The following RAPGEF2 variants were observed in gnomAD, a reference collection of about 807,000 sequenced individuals.
RAPGEF2 encodes Rap guanine nucleotide exchange factor 2.
Under a neutral mutation model 186.7 loss-of-function variants are expected in RAPGEF2, and 54 were observed. That is an observed-to-expected ratio of 0.29 (90% confidence interval 0.23 to 0.36). The LOEUF is 0.36. Among genes scored for constraint, RAPGEF2 ranks in the 10% least tolerant of loss-of-function variants. The pLI is 1.00. For missense variants in RAPGEF2, 1,532 were observed against 2,045.0 expected (o/e 0.75, Z 4.84); for synonymous variants, 712 against 705.9 (o/e 1.01, Z -0.14).
chr4:159,120,040 T>C (rs927499788), intron 1 of RAPGEF2, among the ~76,000 whole-genome samples: 1 of 152,224 alleles, frequency 6.6e-6, no homozygotes, highest in African/African-American at 2.4e-5. Flanking sequence ...GTTTGTTTTT[T>C]TGAGTCAGAG....
intron 7 of RAPGEF2, among the ~76,000 whole-genome samples, chr4:159,283,665 A>T (rs1359753942): frequency 6.6e-6 from 1 of 152,064 alleles, no homozygotes; most frequent in Non-Finnish European, 1.5e-5. Context: ...TTTATTCTTC[A>T]AGAAGAAAGC....
intron 1 of RAPGEF2, among the ~76,000 whole-genome samples, chr4:159,116,331 AAAG>A (rs1434373659): frequency 1.3e-5 from 2 of 152,258 alleles, no homozygotes; most frequent in Non-Finnish European, 2.9e-5. Context: ...ACATGGAAAA[AAAG>A]CTCAACATCA....
chr4:159,286,791 G>A lies in RAPGEF2; in HGVS notation c.544-17551G>A, dbSNP rs867488802. 3.3e-5 allele frequency among the ~76,000 whole-genome samples: 5 copies of A among 152,120 alleles called. No individual in the cohort carries two copies. In the East Asian group the frequency reaches 5.8e-4, roughly 18 times the overall value. Reference sequence around the variant, plus strand: ...ATCTCAGCTATAGGAGGTTTTCCTCGGGCATTTCTGTTACACCATATTATT... The same window carrying A: ...ATCTCAGCTATAGGAGGTTTTCCTCAGGCATTTCTGTTACACCATATTATT... On this transcript the variant is annotated intron_variant, in intron 7 of 29. Transcript: ENST00000691494.
chr4:159,316,077 A>G (rs368760950), intron 9 of RAPGEF2, among the ~76,000 whole-genome samples: 1 of 152,142 alleles, frequency 6.6e-6, no homozygotes, highest in East Asian at 1.9e-4. Flanking sequence ...CCGCCTGGCA[A>G]CGGGCATCTT....
intron 1 of RAPGEF2, among the ~76,000 whole-genome samples, chr4:159,129,136 TAATAAG>T (rs1489334006): frequency 6.6e-6 from 1 of 151,840 alleles, no homozygotes; most frequent in Non-Finnish European, 1.5e-5. Flanking sequence ...CATAGAAATG[TAATAAG>T]AATAAGAATC....
At chr4:159,161,433 C>T (rs556013417) in intron 1 of RAPGEF2, among the ~76,000 whole-genome samples, 1 of 152,196 alleles carries the variant, frequency 6.6e-6, no homozygotes, top group South Asian at 2.1e-4. Flanking sequence ...GGCTGGGCAC[C>T]GTGGTTTATG....
At chr4:159,290,754 CAA>C (rs571399743) in intron 7 of RAPGEF2, among the ~76,000 whole-genome samples, 5 of 127,120 alleles carry the variant, frequency 3.9e-5, no homozygotes, top group African/African-American at 8.5e-5. Context: ...CTAAGGTTTA[CAA>C]AAAAAAAAAA....
chr4:159,214,658 G>T (rs1253400297), intron 4 of RAPGEF2, among the ~76,000 whole-genome samples: 1 of 152,094 alleles, frequency 6.6e-6, no homozygotes, highest in African/African-American at 2.4e-5. Flanking sequence ...TTTTTTGCCT[G>T]CTGACTTCCA....
chr4:159,147,075 G>A (rs1205474767), intron 1 of RAPGEF2, among the ~76,000 whole-genome samples: 1 of 152,214 alleles, frequency 6.6e-6, no homozygotes, highest in Non-Finnish European at 1.5e-5. Context: ...TGGGATTACA[G>A]GCATGGGCCA....
chr4:159,253,975 A>T (rs1180899502), intron 7 of RAPGEF2, among the ~76,000 whole-genome samples: 1 of 152,244 alleles, frequency 6.6e-6, no homozygotes, highest in Non-Finnish European at 1.5e-5. Flanking sequence ...TGTGAAAAAA[A>T]GGTGCCAGTT....
At chr4:159,304,884 C>T (rs1300606000) in intron 8 of RAPGEF2, among the ~76,000 whole-genome samples, 1 of 152,144 alleles carries the variant, frequency 6.6e-6, no homozygotes, top group Admixed American at 6.6e-5. Context: ...ATTCCACACT[C>T]TGCATCCATG....
At chr4:159,201,985 C>T (rs944803119) in intron 3 of RAPGEF2, among the ~76,000 whole-genome samples, 14 of 152,070 alleles carry the variant, frequency 9.2e-5, no homozygotes, top group Non-Finnish European at 1.5e-4. Flanking sequence ...TGATACTGTG[C>T]GGTATTACAT....
intron 7 of RAPGEF2, among the ~76,000 whole-genome samples, chr4:159,287,036 TTAA>T (rs1357752156): frequency 6.6e-6 from 1 of 152,094 alleles, no homozygotes; most frequent in Non-Finnish European, 1.5e-5. Context: ...AAGAGGAAAA[TTAA>T]TAAGAAGTAC....
intron 7 of RAPGEF2, among the ~76,000 whole-genome samples, chr4:159,250,791 C>T (rs1303682008): frequency 2.0e-5 from 3 of 150,938 alleles, no homozygotes; most frequent in African/African-American, 4.8e-5. Context: ...CGCTTGCTCT[C>T]GGCGCCTCGG....
At chr4:159,322,782 C>T (rs1003710458) in intron 10 of RAPGEF2, among the ~76,000 whole-genome samples, 7 of 152,050 alleles carry the variant, frequency 4.6e-5, no homozygotes, top group Admixed American at 1.3e-4. Flanking sequence ...ATGGCAGTGG[C>T]AAGAGGAAAA....
intron 1 of RAPGEF2, among the ~76,000 whole-genome samples, chr4:159,124,746 T>C (rs1435732982): frequency 6.6e-6 from 1 of 152,228 alleles, no homozygotes; most frequent in Non-Finnish European, 1.5e-5. Context: ...CTAGGACTTG[T>C]AGTAACTCTA....
intron 1 of RAPGEF2, among the ~76,000 whole-genome samples, chr4:159,164,833 T>G (rs1177978846): frequency 6.6e-6 from 1 of 152,204 alleles, no homozygotes; most frequent in African/African-American, 2.4e-5. Flanking sequence ...ACTGCTAGGA[T>G]CATAAAAATT....
At chr4:159,243,061 G>A (rs74753829) in intron 6 of RAPGEF2, among the ~76,000 whole-genome samples, 3 of 150,806 alleles carry the variant, frequency 2.0e-5, no homozygotes, top group Non-Finnish European at 1.5e-5. Context: ...TTCCTTACAC[G>A]GCTCCCTTTT....
At position 159,210,677 on chromosome 4, in the gene RAPGEF2, C is replaced by T. The variant is rs187170820; in HGVS notation, c.281+94C>T. 523 of 916,840 alleles carry T rather than the reference C, an allele frequency of 5.7e-4. 2 individuals are homozygous for T. The African/African-American group carries it at 7.6e-3, about 13-fold the overall frequency. 56.8% of individuals were successfully genotyped at this position (916,840 alleles called of 1,614,324 possible). On this transcript the variant is annotated intron_variant, in intron 4 of 29. Transcript: ENST00000691494. ...AAATTCTTTTCTCTTCCTGTGTTCT[C>T]TTCTGCTGATACAAAGCAAGACAGT...
Sources: gnomAD v4.1 joint callset for allele counts (sites outside exome capture counted in the v4.1 genomes callset) on GRCh38, gnomAD v4.1.1 for gene constraint, MANE v1.5 for transcripts, NCBI Gene and HGNC (gene_info 2026-07-23, HGNC 2026-07-21) for gene names.